The following TSPAN7 variants were observed in gnomAD, a reference collection of about 807,000 sequenced individuals.
TSPAN7 encodes tetraspanin 7, also known as tetraspanin-7.
Under a neutral mutation model 17.6 loss-of-function variants are expected in TSPAN7, and 1 was observed. The ratio of observed to expected loss-of-function variants is 0.06; its 90% CI spans 0.02 to 0.27. The LOEUF (loss-of-function observed/expected upper bound fraction) is 0.27, where lower values mean the gene tolerates loss of function less well. Ranked by LOEUF, TSPAN7 falls within the 10% of genes least tolerant of loss-of-function variation. The pLI, the probability that TSPAN7 is intolerant of heterozygous loss-of-function variation, is 1.00. For synonymous variants in TSPAN7, 78 were observed against 79.0 expected (o/e 0.99, Z 0.07); for missense variants, 112 against 201.7 (o/e 0.56, Z 2.69).
At chrX:38,659,040 C>T (rs201579984) in intron 1 of TSPAN7, among the ~76,000 whole-genome samples, 1 of 78,473 alleles carries the variant, frequency 1.3e-5, no homozygotes, top group African/African-American at 4.9e-5. Flanking sequence ...ACACACACAC[C>T]CACAGACGTA....
intron 1 of TSPAN7, among the ~76,000 whole-genome samples, chrX:38,630,829 C>A (rs760998301): frequency 7.2e-5 from 8 of 111,699 alleles, no homozygotes; most frequent in African/African-American, 2.3e-4. Flanking sequence ...CAGAAATACC[C>A]CATCTGTGAT....
At chrX:38,618,825 G>A (rs2069471690) in intron 1 of TSPAN7, among the ~76,000 whole-genome samples, 1 of 111,309 alleles carries the variant, frequency 9.0e-6, no homozygotes, top group East Asian at 2.8e-4. Flanking sequence ...GGGAGTTGGT[G>A]GTCTCTCTGC....
intron 1 of TSPAN7, among the ~76,000 whole-genome samples, chrX:38,629,948 G>A (rs188227933): frequency 7.2e-4 from 80 of 111,732 alleles, no homozygotes; most frequent in African/African-American, 2.5e-3. Flanking sequence ...TCTAAAATTG[G>A]CCTAATTGTA....
intron 1 of TSPAN7, among the ~76,000 whole-genome samples, chrX:38,660,532 T>C (rs1246889847): frequency 8.9e-6 from 1 of 112,204 alleles, no homozygotes; most frequent in Non-Finnish European, 1.9e-5. Context: ...ATTTTAATTA[T>C]TGATGATGTG....
At chrX:38,598,679 G>T (rs1048859670) in intron 1 of TSPAN7, among the ~76,000 whole-genome samples, 21 of 110,927 alleles carry the variant, frequency 1.9e-4, no homozygotes, top group African/African-American at 6.2e-4. Flanking sequence ...GAATTTGGGG[G>T]TGAGTCTAAT....
intron 1 of TSPAN7, among the ~76,000 whole-genome samples, chrX:38,606,213 A>G: frequency 9.0e-6 from 1 of 110,652 alleles, no homozygotes; most frequent in Non-Finnish European, 1.9e-5. Flanking sequence ...ACAAATTTAC[A>G]AGAAAAAAAC....
intron 1 of TSPAN7, chrX:38,566,387 AC>A (rs1336249983): frequency 3.3e-6 from 3 of 920,550 alleles, no homozygotes; most frequent in Non-Finnish European, 4.2e-6. Context: ...AGACTAGCAA[AC>A]AATGTCAGGC....
intron 3 of TSPAN7, among the ~76,000 whole-genome samples, chrX:38,672,603 C>T (rs904877479): frequency 1.3e-4 from 15 of 111,526 alleles, no homozygotes; most frequent in African/African-American, 4.9e-4. Context: ...AAGTGCCCCT[C>T]GTGCATGTAT....
At chrX:38,583,949 C>CTTTTTTTTTTTTTTTTTTTTTTTT (rs34777484) in intron 1 of TSPAN7, among the ~76,000 whole-genome samples, 3 of 66,974 alleles carry the variant, frequency 4.5e-5, no homozygotes, top group East Asian at 4.4e-4. Context: ...TTTTTCTTTT[C>CTTTTTTTTTTTTTTTTTTTTTTTT]TTTTTTTTTT....
At position 38,656,314 on chromosome X, in the gene TSPAN7, G is replaced by A. The variant is rs187254062; in HGVS notation, c.82-9807G>A. Among the ~76,000 whole-genome samples the A allele has an allele frequency of 3.6e-5, 4 of 111,869 alleles. No individual in the cohort carries two copies. The East Asian group carries it at 8.4e-4, about 23-fold the overall frequency. On this transcript the variant is annotated intron_variant, in intron 1 of 7. Transcript: ENST00000378482. ...TTCTGTCAACACACATTAATATGTG[G>A]CTCTTGTTTATAAGCTTATTCTGAC...
At chrX:38,566,005 T>A (rs1221589094) in intron 1 of TSPAN7, among the ~76,000 whole-genome samples, 1 of 111,847 alleles carries the variant, frequency 8.9e-6, no homozygotes, top group Non-Finnish European at 1.9e-5. Flanking sequence ...GCTCAAAATG[T>A]CAACAGTGTA....
At chrX:38,659,946 C>T (rs2069733614) in intron 1 of TSPAN7, among the ~76,000 whole-genome samples, 1 of 106,765 alleles carries the variant, frequency 9.4e-6, no homozygotes, top group Admixed American at 1.0e-4. Context: ...CCCGCCTCAG[C>T]CTCCCAAGTA....
intron 1 of TSPAN7, chrX:38,570,806 A>G (rs1225120029): frequency 3.6e-5 from 4 of 111,885 alleles, no homozygotes; most frequent in African/African-American, 1.3e-4. Context: ...TTGCCATGAC[A>G]GAATGATTTT....
chrX:38,671,311 C>A, intron 2 of TSPAN7, 65 bp from the exon 3 acceptor site: 5 of 1,084,815 alleles, frequency 4.6e-6, no homozygotes, highest in Non-Finnish European at 6.4e-6. Flanking sequence ...AAGTAACCTA[C>A]CCTGAAGAAG....
chrX:38,614,126 G>GT (rs966989357), intron 1 of TSPAN7, among the ~76,000 whole-genome samples: 4 of 110,511 alleles, frequency 3.6e-5, no homozygotes, highest in Non-Finnish European at 5.7e-5. Context: ...TCCTTTACGT[G>GT]TTTTTTATGG....
chrX:38,599,925 C>T (rs929545981), intron 1 of TSPAN7, among the ~76,000 whole-genome samples: 2 of 111,816 alleles, frequency 1.8e-5, no homozygotes, highest in African/African-American at 3.2e-5. Flanking sequence ...TGCTAGAATC[C>T]TTGAAATCTC....
chrX:38,602,215 T>C (rs974679182), intron 1 of TSPAN7, among the ~76,000 whole-genome samples: 5 of 112,002 alleles, frequency 4.5e-5, no homozygotes, highest in Non-Finnish European at 7.5e-5. Flanking sequence ...TGCAGTAGTA[T>C]GATGTATGTG....
chrX:38,605,621 G>A (rs1308593336), intron 1 of TSPAN7, among the ~76,000 whole-genome samples: 1 of 107,005 alleles, frequency 9.3e-6, no homozygotes, highest in African/African-American at 3.4e-5. Context: ...TAAGCCAAAA[G>A]AACAAAGCTG....
chrX:38,651,635 G>A (rs745546226), intron 1 of TSPAN7, among the ~76,000 whole-genome samples: 20 of 112,137 alleles, frequency 1.8e-4, no homozygotes, highest in African/African-American at 6.2e-4. Flanking sequence ...GGGCAGGAGG[G>A]CTGAGCAGGT....
Sources: allele counts gnomAD v4.1 joint callset (sites outside exome capture counted in the v4.1 genomes callset), GRCh38; gene constraint gnomAD v4.1.1; transcripts MANE v1.5; gene names NCBI Gene and HGNC (gene_info 2026-07-23, HGNC 2026-07-21).